The following GLIS1 variants were observed in gnomAD, a reference collection of about 807,000 sequenced individuals.
GLIS1 encodes GLIS family zinc finger 1, also known as zinc finger protein GLIS1.
In GLIS1, 24 loss-of-function variants were observed where a neutral mutation model predicts 63.8. The observed-to-expected ratio is 0.38, with a 90% CI of 0.27 to 0.53. The LOEUF (loss-of-function observed/expected upper bound fraction) is 0.53. GLIS1 is among the 20% of genes least tolerant of loss of function. The pLI, the probability that GLIS1 is intolerant of heterozygous loss-of-function variation, is 0.85. For missense variants in GLIS1, 1,036 were observed against 1,074.1 expected, an observed-to-expected ratio of 0.96 and a Z score of 0.50; for synonymous variants, 450 against 482.5, an observed-to-expected ratio of 0.93 and a Z score of 0.88.
intron 2 of GLIS1, among the ~76,000 whole-genome samples, chr1:53,731,743 C>A (rs573280836): frequency 1.3e-5 from 2 of 152,182 alleles, no homozygotes; most frequent in African/African-American, 4.8e-5. Flanking sequence ...ACAGAACAGC[C>A]GCTCACTAAA....
intron 2 of GLIS1, among the ~76,000 whole-genome samples, chr1:53,705,705 A>G (rs1646571911): frequency 6.6e-6 from 1 of 152,212 alleles, no homozygotes; most frequent in Non-Finnish European, 1.5e-5. Flanking sequence ...CTGAGACAAC[A>G]GGAGGCAGAA....
At chr1:53,727,278 T>C (rs1646814556) in intron 2 of GLIS1, among the ~76,000 whole-genome samples, 1 of 152,202 alleles carries the variant, frequency 6.6e-6, no homozygotes, top group Non-Finnish European at 1.5e-5. Context: ...AAGCCCAAAA[T>C]GGTGCCCAGA....
At chr1:53,618,926 T>C (rs1645510697) in intron 2 of GLIS1, among the ~76,000 whole-genome samples, 1 of 152,198 alleles carries the variant, frequency 6.6e-6, no homozygotes, top group South Asian at 2.1e-4. Context: ...TCACTTTCTG[T>C]CTTAGGCAGC....
chr1:53,733,879 G>C, intron 2 of GLIS1: 1 of 981,308 alleles, frequency 1.0e-6, no homozygotes, highest in African/African-American at 1.7e-5. Context: ...CCGGAGGGGA[G>C]AAATGCTTTA....
chr1:53,525,846 C>T (rs752016396), intron 5 of GLIS1, among the ~76,000 whole-genome samples: 16 of 152,138 alleles, frequency 1.1e-4, no homozygotes, highest in Non-Finnish European at 2.2e-4. Context: ...ACCTCCTCCC[C>T]GGGCCAGAAC....
chr1:53,588,968 G>T (rs1053502671), intron 4 of GLIS1, among the ~76,000 whole-genome samples: 1 of 152,212 alleles, frequency 6.6e-6, no homozygotes, highest in Non-Finnish European at 1.5e-5. Context: ...GATATCCCAT[G>T]GGATATGAGC....
At chr1:53,515,816 TA>T (rs58953406) in intron 7 of GLIS1, among the ~76,000 whole-genome samples, 4,400 of 69,134 alleles carry the variant, frequency 0.064, 253 homozygotes, top group African/African-American at 0.2. Context: ...CTATTTTATC[TA>T]AAAAAAAAAA....
chr1:53,650,922 C>G (rs1645900391), intron 2 of GLIS1, among the ~76,000 whole-genome samples: 1 of 152,174 alleles, frequency 6.6e-6, no homozygotes, highest in African/African-American at 2.4e-5. Flanking sequence ...AGGCATCGAA[C>G]ACTGGCCCAG....
chr1:53,681,461 G>T (rs1044817194), intron 2 of GLIS1, among the ~76,000 whole-genome samples: 2 of 152,258 alleles, frequency 1.3e-5, no homozygotes, highest in African/African-American at 4.8e-5. Flanking sequence ...CCAGAAAGGG[G>T]CCTGGACCCA....
intron 4 of GLIS1, among the ~76,000 whole-genome samples, chr1:53,593,169 G>A (rs1412213206): frequency 6.6e-6 from 1 of 152,242 alleles, no homozygotes; most frequent in Admixed American, 6.5e-5. Context: ...CCTGATGGCT[G>A]GGCGGGCTGG....
Position 53,560,817 on chromosome 1 carries a change from T to C in GLIS1, c.1321-30865A>G, listed in dbSNP as rs1048421844. Among the ~76,000 whole-genome samples the C allele has an allele frequency of 1.3e-5, 2 of 152,124 alleles. No homozygotes were observed. The highest frequency in any genetic ancestry group is 4.8e-5 in the African/African-American group (2 of 41,412). On this transcript the variant is annotated intron_variant, in intron 4 of 10. Coordinates refer to ENST00000628545, the MANE Select transcript of GLIS1 (RefSeq NM_001367484.1). This position sits in a 1 kb window ranked among gnomAD's most constrained non-coding sequence, Gnocchi z 4.4. ...TCCTTGGACTCCACCCATACCTCAG[T>C]ACCCCAGGCCTTGCCACCTGAAGGG...
chr1:53,521,571 C>G (rs115011723), intron 6 of GLIS1, among the ~76,000 whole-genome samples: 2,747 of 152,266 alleles, frequency 0.018, 35 homozygotes, highest in Non-Finnish European at 0.031. Flanking sequence ...CACAGAGTGA[C>G]GATGGCTGGG....
intron 4 of GLIS1, among the ~76,000 whole-genome samples, chr1:53,578,220 G>C (rs902573477): frequency 6.6e-6 from 1 of 152,068 alleles, no homozygotes; most frequent in Non-Finnish European, 1.5e-5. Flanking sequence ...GGGTGATCGG[G>C]GTCAAGTTAA....
rs1001944549 is a variant in GLIS1, at chr1:53,506,240, C to T, written c.*379G>A. ...AAAGCAGAACGAGGACTTCACATCT[C>T]CTTTCCAGTTTTTAATGTTTTTTCT... On this transcript the variant is annotated 3_prime_UTR_variant, in exon 11 of 11. Transcript: ENST00000628545. The T allele has an allele frequency of 9.3e-6, 2 of 214,942 alleles. No homozygotes were observed. Among genetic ancestry groups the T allele is most frequent in the Admixed American group, 1.0e-4 (2 of 19,240 alleles). The allele number at this position is 214,942 out of a possible 1,614,324, so 13.3% of individuals were successfully genotyped here.
chr1:53,507,973 T>C (rs1055082536), intron 10 of GLIS1, among the ~76,000 whole-genome samples: 4 of 151,818 alleles, frequency 2.6e-5, no homozygotes, highest in African/African-American at 9.7e-5. Flanking sequence ...CAGGGGGCCA[T>C]GCACACACGT....
chr1:53,604,756 C>T (rs1050796234), intron 2 of GLIS1, among the ~76,000 whole-genome samples: 2 of 152,122 alleles, frequency 1.3e-5, no homozygotes, highest in Non-Finnish European at 2.9e-5. Flanking sequence ...CAAGCTCACA[C>T]AGCAAGTATA....
chr1:53,583,745 G>A (rs891041372), intron 4 of GLIS1, among the ~76,000 whole-genome samples: 1 of 152,200 alleles, frequency 6.6e-6, no homozygotes, highest in African/African-American at 2.4e-5. Context: ...GAGGAGGAGG[G>A]GCCGGGAAAG....
At chr1:53,522,357 T>C (rs568924059) in intron 6 of GLIS1, among the ~76,000 whole-genome samples, 19 of 152,304 alleles carry the variant, frequency 1.2e-4, no homozygotes, top group African/African-American at 4.6e-4. Flanking sequence ...GGGGGCTCAG[T>C]GCGAGCCAAG....
At chr1:53,528,194 A>G (rs936731373) in intron 5 of GLIS1, among the ~76,000 whole-genome samples, 2 of 151,932 alleles carry the variant, frequency 1.3e-5, no homozygotes, top group Non-Finnish European at 2.9e-5. Flanking sequence ...GCTAGCACCC[A>G]CTCCTCACTT....
Sources: allele counts gnomAD v4.1 joint callset (sites outside exome capture counted in the v4.1 genomes callset), GRCh38; gene constraint gnomAD v4.1.1; non-coding constraint Gnocchi (gnomAD v3.1); transcripts MANE v1.5; gene names NCBI Gene and HGNC (gene_info 2026-07-23, HGNC 2026-07-21).